Variants in BACH2 observed in about 807,000 individuals in gnomAD.
BACH2 encodes the protein transcription regulator protein BACH2.
BACH2 carries 5 observed loss-of-function variants against 61.8 expected under a neutral mutation model. That is an observed-to-expected ratio of 0.08 (90% CI 0.04 to 0.17). BACH2 has a LOEUF of 0.17. Among genes scored for constraint, BACH2 ranks in the 10% least tolerant of loss-of-function variants. The probability of loss-of-function intolerance (pLI) is 1.00; values close to 1 mark genes in which losing one functional copy is unlikely to be tolerated. For synonymous variants in BACH2, 446 were observed against 440.1 expected, an observed-to-expected ratio of 1.01 and a Z score of -0.17; for missense variants, 824 against 1,091.1, an observed-to-expected ratio of 0.76 and a Z score of 3.45.
intron 4 of BACH2, among the ~76,000 whole-genome samples, chr6:90,164,163 C>T (rs1767517090): frequency 6.6e-6 from 1 of 151,994 alleles, no homozygotes; most frequent in African/African-American, 2.4e-5. Flanking sequence ...TGATAGACTG[C>T]TAGCAAGACT....
chr6:90,242,253 C>T (rs1026442844), intron 3 of BACH2, among the ~76,000 whole-genome samples: 6 of 152,170 alleles, frequency 3.9e-5, no homozygotes, highest in Non-Finnish European at 8.8e-5. Context: ...TCATCCTGTC[C>T]CCTCTTCCCT....
chr6:90,243,731 A>T (rs1216561553), intron 3 of BACH2, among the ~76,000 whole-genome samples: 2 of 152,196 alleles, frequency 1.3e-5, no homozygotes, highest in Non-Finnish European at 2.9e-5. Flanking sequence ...AAAAGCTAGC[A>T]TCCTTTTCTC....
At chr6:90,114,332 T>C (rs536177436) in intron 4 of BACH2, among the ~76,000 whole-genome samples, 1 of 152,290 alleles carries the variant, frequency 6.6e-6, no homozygotes, top group Non-Finnish European at 1.5e-5. Context: ...CCAAGTAGGC[T>C]TCATCCCTCG....
At chr6:90,233,612 G>A (rs1770168360) in intron 3 of BACH2, among the ~76,000 whole-genome samples, 1 of 152,154 alleles carries the variant, frequency 6.6e-6, no homozygotes, top group East Asian at 1.9e-4. Context: ...TTTATGTGAG[G>A]ATTACATTAA....
chr6:90,133,410 C>A (rs946567148), intron 4 of BACH2, among the ~76,000 whole-genome samples: 3 of 152,056 alleles, frequency 2.0e-5, no homozygotes, highest in African/African-American at 7.2e-5. Flanking sequence ...AATGCCCTCA[C>A]CTACGTTAAA....
At chr6:90,135,478 G>T (rs376307966) in intron 4 of BACH2, among the ~76,000 whole-genome samples, 142 of 152,204 alleles carry the variant, frequency 9.3e-4, no homozygotes, top group African/African-American at 3.1e-3. Context: ...CTGTAATCCC[G>T]GCACTTTGGG....
chr6:90,219,976 C>T (rs772278556), intron 3 of BACH2, among the ~76,000 whole-genome samples: 3 of 151,182 alleles, frequency 2.0e-5, no homozygotes, highest in Admixed American at 6.6e-5. Context: ...TTTTTTTTTC[C>T]GCCTAAACAG....
intron 3 of BACH2, among the ~76,000 whole-genome samples, chr6:90,216,449 G>A (rs938964925): frequency 1.1e-4 from 16 of 152,102 alleles, no homozygotes; most frequent in African/African-American, 3.1e-4. Context: ...TGCTAATGTC[G>A]ACTTCCCTCG....
intron 7 of BACH2, among the ~76,000 whole-genome samples, chr6:89,948,988 T>C (rs746720822): frequency 3.3e-5 from 5 of 152,216 alleles, no homozygotes; most frequent in Non-Finnish European, 7.3e-5. Flanking sequence ...CAGGGCATTT[T>C]TGCAGTTGGC....
chr6:89,945,006 A>C (rs1178051565), intron 7 of BACH2, among the ~76,000 whole-genome samples: 1 of 152,200 alleles, frequency 6.6e-6, no homozygotes, highest in East Asian at 1.9e-4. Flanking sequence ...GCACTAACAA[A>C]AAAGATGGGC....
chr6:90,194,549 C>G (rs1204535450), intron 4 of BACH2, among the ~76,000 whole-genome samples: 2 of 152,132 alleles, frequency 1.3e-5, no homozygotes, highest in Non-Finnish European at 2.9e-5. Flanking sequence ...CATGACTGAT[C>G]CAAGACAGAG....
intron 6 of BACH2, among the ~76,000 whole-genome samples, chr6:89,963,442 T>C (rs35191598): frequency 0.16 from 24,612 of 152,040 alleles, 2,150 homozygotes; most frequent in East Asian, 0.35. Context: ...AGGAGGCACA[T>C]ACCGTCATGC....
intron 5 of BACH2, among the ~76,000 whole-genome samples, chr6:90,074,279 T>C (rs1460372131): frequency 1.3e-5 from 2 of 152,194 alleles, no homozygotes; most frequent in African/African-American, 2.4e-5. Flanking sequence ...TAGCCTTATG[T>C]CATATGTGAA....
At chr6:90,279,059 A>G (rs1189626998) in intron 1 of BACH2, among the ~76,000 whole-genome samples, 1 of 152,170 alleles carries the variant, frequency 6.6e-6, no homozygotes, top group Non-Finnish European at 1.5e-5. Flanking sequence ...GCACATCTCA[A>G]CCACATTTCA....
intron 1 of BACH2, among the ~76,000 whole-genome samples, chr6:90,283,083 C>G (rs1439398834): frequency 6.6e-6 from 1 of 152,196 alleles, no homozygotes; most frequent in African/African-American, 2.4e-5. Context: ...TGATTTTAAT[C>G]TGCATGTGTT....
intron 5 of BACH2, among the ~76,000 whole-genome samples, chr6:90,060,371 A>G (rs1187975157): frequency 6.6e-6 from 1 of 152,106 alleles, no homozygotes; most frequent in Admixed American, 6.6e-5. Context: ...CCATTGCATG[A>G]AACTATTTTA....
chr6:90,232,021 A>G (rs931845305), intron 3 of BACH2, among the ~76,000 whole-genome samples: 1 of 152,106 alleles, frequency 6.6e-6, no homozygotes, highest in Non-Finnish European at 1.5e-5. Context: ...GAGAAGCCCA[A>G]CCGTTATCTA....
chr6:90,197,412 T>G (rs1768797361), intron 4 of BACH2, among the ~76,000 whole-genome samples: 1 of 152,148 alleles, frequency 6.6e-6, no homozygotes, highest in African/African-American at 2.4e-5. Context: ...AAACCACAGA[T>G]TAAGTACCTA....
intron 3 of BACH2, among the ~76,000 whole-genome samples, chr6:90,244,015 G>A (rs1770547283): frequency 6.6e-6 from 1 of 152,158 alleles, no homozygotes; most frequent in Non-Finnish European, 1.5e-5. Context: ...TCCATCTCCT[G>A]GGTTCAAATG....
Sources: allele counts gnomAD v4.1 joint callset (sites outside exome capture counted in the v4.1 genomes callset), GRCh38; gene constraint gnomAD v4.1.1; transcripts MANE v1.5; gene names NCBI Gene and HGNC (gene_info 2026-07-23, HGNC 2026-07-21).